Variants in CTNNA3 observed in about 807,000 individuals in gnomAD.
The protein encoded by CTNNA3 is catenin alpha 3, also known as catenin alpha-3.
Under a neutral mutation model 95.7 loss-of-function variants are expected in CTNNA3, and 76 were observed. The observed-to-expected ratio is 0.79, with a 90% CI of 0.66 to 0.96. CTNNA3 has a LOEUF of 0.96. CTNNA3 is among the 40% of genes least tolerant of loss of function. The probability of loss-of-function intolerance (pLI) is 0.00; values close to 1 mark genes in which losing one functional copy is unlikely to be tolerated. For missense variants in CTNNA3, 1,191 were observed against 1,089.8 expected (o/e 1.09, Z -1.31); for synonymous variants, 431 against 374.4 (o/e 1.15, Z -1.74).
intron 7 of CTNNA3, among the ~76,000 whole-genome samples, chr10:67,026,494 G>A (rs2133093375): frequency 6.6e-6 from 1 of 152,046 alleles, no homozygotes; most frequent in Admixed American, 6.5e-5. Flanking sequence ...TGTTATATAA[G>A]TAATATGGAA....
At chr10:66,813,955 C>T (rs1269778212) in intron 7 of CTNNA3, among the ~76,000 whole-genome samples, 1 of 151,736 alleles carries the variant, frequency 6.6e-6, no homozygotes, top group Non-Finnish European at 1.5e-5. Flanking sequence ...TGAAGGAAGC[C>T]TAAATTACGG....
chr10:66,209,749 G>A (rs1443853589), intron 13 of CTNNA3, among the ~76,000 whole-genome samples: 1 of 152,090 alleles, frequency 6.6e-6, no homozygotes, highest in Non-Finnish European at 1.5e-5. Context: ...TGCTTATAAA[G>A]AAATCTGGGA....
chr10:66,664,146 A>G (rs10822868), intron 9 of CTNNA3, among the ~76,000 whole-genome samples: 99,463 of 151,828 alleles, frequency 0.66, 33,409 homozygotes, highest in East Asian at 0.95. Context: ...TATACAAAAG[A>G]TTAATCTTTA....
intron 5 of CTNNA3, among the ~76,000 whole-genome samples, chr10:67,261,074 A>T (rs1452580625): frequency 3.9e-5 from 6 of 152,218 alleles, no homozygotes; most frequent in African/African-American, 7.2e-5. Flanking sequence ...TCATGTGGTC[A>T]GCCTGTCTAT....
intron 7 of CTNNA3, among the ~76,000 whole-genome samples, chr10:66,895,050 T>TAAAAAAAAAA (rs1156883929): frequency 8.2e-5 from 1 of 12,130 alleles, no homozygotes; most frequent in Admixed American, 8.4e-4. Context: ...GTGAAACAAA[T>TAAAAAAAAAA]AAACAAAAAA....
chr10:66,020,731 G>C, intron 15 of CTNNA3, among the ~76,000 whole-genome samples: 1 of 147,274 alleles, frequency 6.8e-6, no homozygotes, highest in East Asian at 2.0e-4. Context: ...GCAATGGCAC[G>C]ATCTCTGCTC....
chr10:66,085,237 G>A (rs952798513), intron 14 of CTNNA3, among the ~76,000 whole-genome samples: 22 of 152,184 alleles, frequency 1.4e-4, no homozygotes, highest in African/African-American at 5.1e-4. Flanking sequence ...TTAATAAAAT[G>A]CTCATGTTAG....
chr10:67,445,394 T>TAA lies in CTNNA3; in HGVS notation c.579+76446_579+76447dup, dbSNP rs35757406. 3.9e-4 allele frequency among the ~76,000 whole-genome samples: 56 copies of TAA among 144,314 alleles called. 1 individual carries two copies. The highest frequency in any genetic ancestry group is 1.4e-3 in the African/African-American group (55 of 39,640). The allele number at this position is 144,314 out of a possible 152,430, so 94.7% of individuals were successfully genotyped here. On this transcript the variant is annotated intron_variant, in intron 5 of 17. Coordinates refer to ENST00000433211, the MANE Select transcript of CTNNA3 (RefSeq NM_013266.4). The stretch of plus-strand genomic sequence containing the variant: ...AATGATGTAGAGGAGCTAAATGCAT[T>TAA]AAAAAAAAAAAGACCTGTTGATCTG...
At chr10:67,154,695 C>T (rs760025523) in intron 7 of CTNNA3, among the ~76,000 whole-genome samples, 2 of 152,102 alleles carry the variant, frequency 1.3e-5, no homozygotes, top group Non-Finnish European at 2.9e-5. Context: ...AATCCTATAG[C>T]GACTGCACTC....
chr10:66,077,376 C>G (rs1319396777), intron 14 of CTNNA3, among the ~76,000 whole-genome samples: 1 of 151,718 alleles, frequency 6.6e-6, no homozygotes, highest in Admixed American at 6.6e-5. Context: ...AGAGATCTTA[C>G]AGGATATATA....
intron 15 of CTNNA3, among the ~76,000 whole-genome samples, chr10:65,990,689 A>T (rs1347252220): frequency 6.6e-6 from 1 of 151,336 alleles, no homozygotes; most frequent in Non-Finnish European, 1.5e-5. Context: ...AAATAATTTA[A>T]ATATTAAATA....
At chr10:65,979,210 A>G (rs1165016559) in intron 16 of CTNNA3, among the ~76,000 whole-genome samples, 1 of 152,184 alleles carries the variant, frequency 6.6e-6, no homozygotes, top group African/African-American at 2.4e-5. Context: ...AGCTATTGAG[A>G]AAGTGACATG....
chr10:66,292,746 T>C (rs1319742888), intron 12 of CTNNA3, among the ~76,000 whole-genome samples: 1 of 152,182 alleles, frequency 6.6e-6, no homozygotes, highest in Non-Finnish European at 1.5e-5. Flanking sequence ...TCACATATCA[T>C]TTTATTATTT....
intron 13 of CTNNA3, among the ~76,000 whole-genome samples, chr10:66,127,006 C>A (rs2082858309): frequency 6.6e-6 from 1 of 152,002 alleles, no homozygotes; most frequent in Admixed American, 6.6e-5. Flanking sequence ...CGGTGGCTCA[C>A]ACCTGTAATC....
At chr10:66,441,347 G>T in intron 11 of CTNNA3, among the ~76,000 whole-genome samples, 1 of 152,118 alleles carries the variant, frequency 6.6e-6, no homozygotes, top group South Asian at 2.1e-4. Context: ...CTTTCCTGAA[G>T]AAATAATGCT....
At position 67,387,967 on chromosome 10, in the gene CTNNA3, G is replaced by T. The variant is rs554685592; in HGVS notation, c.579+133875C>A. Among the ~76,000 whole-genome samples, 695 of 152,080 alleles carry T rather than the reference G, an allele frequency of 4.6e-3. 5 individuals are homozygous for T. The highest frequency in any genetic ancestry group is 0.016 in the African/African-American group (665 of 41,470). On this transcript the variant is annotated intron_variant, in intron 5 of 17. Transcript: ENST00000433211. Reference sequence around the variant, plus strand: ...AAACCACAAAGATGGGGAAAAAACAGAACAGAAAAACTGGAAACTCTAAAA... The same window carrying T: ...AAACCACAAAGATGGGGAAAAAACATAACAGAAAAACTGGAAACTCTAAAA...
In CTNNA3 at chr10:67,708,082, C is replaced by G. The variant is rs1841087636; in HGVS notation, c.-2+55352G>C. On this transcript the variant is annotated intron_variant, in intron 1 of 17. Transcript: ENST00000684154. ...CTCATTTTAACTATTTCAGAACAAA[C>G]TATTGAAGTTGACACATTAGCTTTG... Among the ~76,000 whole-genome samples, 3 of 152,220 alleles carry G rather than the reference C, an allele frequency of 2.0e-5. No individual in the cohort carries two copies. The East Asian group carries it at 5.8e-4, about 29-fold the overall frequency.
chr10:67,590,642 G>A (rs1401557153), intron 3 of CTNNA3, among the ~76,000 whole-genome samples: 2 of 151,982 alleles, frequency 1.3e-5, no homozygotes, highest in Non-Finnish European at 2.9e-5. Flanking sequence ...CACTAATGAG[G>A]ACAGACATCT....
chr10:67,489,290 T>A (rs1030460243), intron 5 of CTNNA3, among the ~76,000 whole-genome samples: 1 of 152,180 alleles, frequency 6.6e-6, no homozygotes, highest in African/African-American at 2.4e-5. Flanking sequence ...TTATCGGAAA[T>A]GCATTTCATA....
Sources: gnomAD v4.1 joint callset for allele counts (sites outside exome capture counted in the v4.1 genomes callset) on GRCh38, gnomAD v4.1.1 for gene constraint, MANE v1.5 for transcripts, NCBI Gene and HGNC (gene_info 2026-07-23, HGNC 2026-07-21) for gene names.